The following HTR2C variants were observed in gnomAD, a reference collection of about 807,000 sequenced individuals.
HTR2C encodes 5-hydroxytryptamine receptor 2C.
Under a neutral mutation model 21.0 loss-of-function variants are expected in HTR2C, and 5 were observed. The ratio of observed to expected loss-of-function variants is 0.24; its 90% CI spans 0.12 to 0.50. HTR2C has a LOEUF of 0.50. Ranked by LOEUF, HTR2C falls within the 20% of genes least tolerant of loss-of-function variation. HTR2C has a pLI of 0.98. For missense variants in HTR2C, 271 were observed against 371.2 expected, an observed-to-expected ratio of 0.73 and a Z score of 2.22; for synonymous variants, 150 against 145.3, an observed-to-expected ratio of 1.03 and a Z score of -0.23.
chrX:114,619,959 A>G lies in HTR2C; in HGVS notation c.-80+6078A>G, dbSNP rs1218119640. On this transcript the variant is annotated intron_variant, in intron 2 of 5. Coordinates refer to ENST00000276198, the MANE Select transcript of HTR2C (RefSeq NM_000868.4). ...CCAATGATTTAATAAATATTTGTTG[A>G]CTGGATAACTGAATAAACAAATAGG... 9.8e-5 allele frequency among the ~76,000 whole-genome samples: 11 copies of G among 112,008 alleles called. No individual in the cohort carries two copies. The Admixed American group carries it at 1.1e-3, about 11-fold the overall frequency.
chrX:114,834,006 C>T (rs1234328727), intron 4 of HTR2C, among the ~76,000 whole-genome samples: 8 of 109,948 alleles, frequency 7.3e-5, no homozygotes, highest in African/African-American at 1.3e-4. Flanking sequence ...TGTAGTTGAG[C>T]GGTTTTGAGT....
At chrX:114,877,033 A>G (rs1056789290) in intron 5 of HTR2C, among the ~76,000 whole-genome samples, 3 of 111,471 alleles carry the variant, frequency 2.7e-5, no homozygotes, top group African/African-American at 3.3e-5. Context: ...CTAGTTCTTC[A>G]TGAAATGTTT....
rs1273688550 is a variant in HTR2C at position 114,888,717 on chromosome X, C to T, written c.551-17872C>T. On this transcript the variant is annotated intron_variant, in intron 5 of 5. Coordinates refer to ENST00000276198, the MANE Select transcript of HTR2C (RefSeq NM_000868.4). ...TGAACAAATGTTTCTTCATATTTTGCATGTCTCCAGGACCATTTTCAGAAA... is the reference window on the plus strand; with the variant it reads ...TGAACAAATGTTTCTTCATATTTTGTATGTCTCCAGGACCATTTTCAGAAA... Among the ~76,000 whole-genome samples the T allele has an allele frequency of 2.7e-5, 3 of 111,848 alleles. No homozygotes were observed. In the Admixed American group the frequency reaches 2.8e-4, roughly 11 times the overall value.
chrX:114,764,899 C>A (rs967851381), intron 4 of HTR2C, among the ~76,000 whole-genome samples: 3 of 64,641 alleles, frequency 4.6e-5, no homozygotes, highest in African/African-American at 1.5e-4. Context: ...TTCTTTCTTT[C>A]TTTCTTTCTT....
chrX:114,857,577 A>G (rs1407256432), intron 5 of HTR2C, among the ~76,000 whole-genome samples: 3 of 110,992 alleles, frequency 2.7e-5, no homozygotes, highest in Non-Finnish European at 5.7e-5. Flanking sequence ...CCATTTGCCT[A>G]TTTTCAATTT....
intron 3 of HTR2C, 147 bp downstream of exon 3, chrX:114,727,118 G>C: frequency 2.8e-6 from 1 of 360,723 alleles, no homozygotes; most frequent in South Asian, 1.0e-4. Flanking sequence ...TAATATTATG[G>C]GTGTTTCCTA....
chrX:114,870,423 G>C (rs999880053), intron 5 of HTR2C, among the ~76,000 whole-genome samples: 3 of 111,175 alleles, frequency 2.7e-5, no homozygotes, highest in African/African-American at 9.8e-5. Flanking sequence ...TTGGTATCAG[G>C]ATAATATTGG....
intron 4 of HTR2C, among the ~76,000 whole-genome samples, chrX:114,748,858 A>G (rs1455595156): frequency 9.0e-6 from 1 of 111,714 alleles, no homozygotes; most frequent in Non-Finnish European, 1.9e-5. Context: ...AAAAACCACA[A>G]GCCATAAAAA....
At chrX:114,836,421 T>C (rs368252064) in intron 4 of HTR2C, among the ~76,000 whole-genome samples, 2 of 112,826 alleles carry the variant, frequency 1.8e-5, no homozygotes, top group East Asian at 5.6e-4. Flanking sequence ...CGCCGTTTTT[T>C]AAGCCGGTCG....
At chrX:114,701,403 C>T (rs782202716) in intron 2 of HTR2C, among the ~76,000 whole-genome samples, 7 of 111,071 alleles carry the variant, frequency 6.3e-5, no homozygotes, top group Admixed American at 5.8e-4. Context: ...TCACGGTTCA[C>T]AAAAACCTGC....
At chrX:114,872,258 T>G (rs2147511171) in intron 5 of HTR2C, among the ~76,000 whole-genome samples, 1 of 111,234 alleles carries the variant, frequency 9.0e-6, no homozygotes, top group African/African-American at 3.2e-5. Context: ...TCAAAAAACC[T>G]TTTATTGATT....
At chrX:114,775,034 T>TTATCAA in intron 4 of HTR2C, 1 of 484,182 alleles carries the variant, frequency 2.1e-6, no homozygotes, top group Non-Finnish European at 3.8e-6. Context: ...TCCAGCCATT[T>TTATCAA]GATAACTTCA....
chrX:114,884,873 A>G (rs2071208905), intron 5 of HTR2C, among the ~76,000 whole-genome samples: 1 of 111,778 alleles, frequency 8.9e-6, no homozygotes. Context: ...ATTGATCTGT[A>G]CTTCCATTTT....
intron 3 of HTR2C, 21 bp from the exon 4 acceptor site, chrX:114,731,270 GTTT>G (rs371148134): frequency 1.6e-6 from 1 of 637,164 alleles, no homozygotes; most frequent in African/African-American, 2.4e-5. Flanking sequence ...GTACCTGATT[GTTT>G]TTTTTTTTCT....
At chrX:114,811,119 G>C (rs1024580223) in intron 4 of HTR2C, among the ~76,000 whole-genome samples, 14 of 111,464 alleles carry the variant, frequency 1.3e-4, no homozygotes, top group African/African-American at 4.6e-4. Flanking sequence ...GTGTGATTTG[G>C]GGGGCACTGC....
At chrX:114,884,752 T>C (rs1030442386) in intron 5 of HTR2C, among the ~76,000 whole-genome samples, 2 of 111,890 alleles carry the variant, frequency 1.8e-5, no homozygotes, top group African/African-American at 3.2e-5. Flanking sequence ...TGAAGGTTTG[T>C]CTAAAAGTAT....
intron 2 of HTR2C, among the ~76,000 whole-genome samples, chrX:114,710,701 A>G (rs1436947270): frequency 9.0e-6 from 1 of 111,662 alleles, no homozygotes; most frequent in Non-Finnish European, 1.9e-5. Context: ...GAATGACTCA[A>G]CTGAGAGGAG....
chrX:114,699,444 A>G (rs1932389032), intron 2 of HTR2C, among the ~76,000 whole-genome samples: 1 of 111,847 alleles, frequency 8.9e-6, no homozygotes, highest in Admixed American at 9.5e-5. Context: ...TTATTTCTAT[A>G]AGGCCTTTAT....
At chrX:114,691,868 A>G (rs1472503929) in intron 2 of HTR2C, among the ~76,000 whole-genome samples, 2 of 111,965 alleles carry the variant, frequency 1.8e-5, no homozygotes, top group African/African-American at 6.5e-5. Context: ...TACAATTACT[A>G]CTAGCTTGGA....
Sources: allele counts gnomAD v4.1 joint callset (sites outside exome capture counted in the v4.1 genomes callset), GRCh38; gene constraint gnomAD v4.1.1; transcripts MANE v1.5; gene names NCBI Gene and HGNC (gene_info 2026-07-23, HGNC 2026-07-21).